The following KANK1 variants were observed in gnomAD, a reference collection of about 807,000 sequenced individuals.
KANK1 encodes the protein KN motif and ankyrin repeat domains 1.
A neutral mutation model predicts 106.2 loss-of-function variants in KANK1; 109 were observed. That is an observed-to-expected ratio of 1.03 (90% CI 0.88 to 1.20). The LOEUF (loss-of-function observed/expected upper bound fraction) is 1.20. KANK1 is among the 50% of genes most tolerant of loss of function. KANK1 has a pLI of 0.00. For missense variants in KANK1, 2,399 were observed against 1,710.7 expected (o/e 1.40, Z -7.10); for synonymous variants, 873 against 652.2 (o/e 1.34, Z -5.16).
chr9:631,775 C>G (rs1446876808), intron 1 of KANK1, among the ~76,000 whole-genome samples: 1 of 152,180 alleles, frequency 6.6e-6, no homozygotes, highest in East Asian at 1.9e-4. Flanking sequence ...CTCTTCTTCC[C>G]TTTGCATCTG....
At chr9:615,683 G>C (rs1238914592) in intron 1 of KANK1, among the ~76,000 whole-genome samples, 3 of 152,118 alleles carry the variant, frequency 2.0e-5, no homozygotes, top group Non-Finnish European at 4.4e-5. Flanking sequence ...CATTTGTCCA[G>C]TTAACACCAG....
At chr9:504,675 C>A (rs1270496032), upstream of KANK1, 1 of 151,044 alleles carries the variant, frequency 6.6e-6, no homozygotes, top group Non-Finnish European at 1.5e-5. Context: ...GACTCCGCCC[C>A]CTGCGCCCCG....
At chr9:628,763 G>C (rs1834966061) in intron 1 of KANK1, among the ~76,000 whole-genome samples, 1 of 152,064 alleles carries the variant, frequency 6.6e-6, no homozygotes, top group Admixed American at 6.6e-5. Flanking sequence ...CTGGATTCAA[G>C]TGGTCCCTGA....
Position 550,329 on chromosome 9 carries a change from T to C in KANK1, c.-84+45575T>C, listed in dbSNP as rs764224261. On this transcript the variant is annotated intron_variant, in intron 1 of 11. Coordinates refer to ENST00000382297, the MANE Select transcript of KANK1 (RefSeq NM_015158.5). ...GTGTTTATTACCAAAAAAACCTCCT[T>C]CTTATTTAATAATACAGTGCCTAGC... 3.7e-4 allele frequency among the ~76,000 whole-genome samples: 57 copies of C among 152,344 alleles called. 1 individual carries two copies. The highest frequency in any genetic ancestry group is 2.4e-4 in the Non-Finnish European group (16 of 68,024).
At chr9:635,594 G>A (rs1202031783) in intron 1 of KANK1, among the ~76,000 whole-genome samples, 2 of 151,368 alleles carry the variant, frequency 1.3e-5, no homozygotes, top group African/African-American at 4.9e-5. Context: ...TTTATTATTA[G>A]AATAGTAAGA....
chr9:482,414 A>G (rs776611651), intron 3 of KANK1, among the ~76,000 whole-genome samples: 2 of 152,282 alleles, frequency 1.3e-5, no homozygotes, highest in Non-Finnish European at 2.9e-5. Context: ...GCAGCAATTG[A>G]TGGCTTACAA....
chr9:541,780 A>G (rs1563739943), intron 1 of KANK1, among the ~76,000 whole-genome samples: 1 of 152,212 alleles, frequency 6.6e-6, no homozygotes, highest in Non-Finnish European at 1.5e-5. Flanking sequence ...TAGCAAGAAA[A>G]TAAATAACCG....
intron 1 of KANK1, among the ~76,000 whole-genome samples, chr9:641,917 A>T (rs913322600): frequency 9.9e-5 from 15 of 152,166 alleles, no homozygotes; most frequent in African/African-American, 3.6e-4. Flanking sequence ...TGGCATAAAC[A>T]ACATTAGAAC....
At chr9:637,800 A>G (rs891880481) in intron 1 of KANK1, among the ~76,000 whole-genome samples, 1 of 152,168 alleles carries the variant, frequency 6.6e-6, no homozygotes, top group South Asian at 2.1e-4. Context: ...AATGTCATAT[A>G]TTTTAAAAAC....
intron 3 of KANK1, among the ~76,000 whole-genome samples, chr9:489,482 TA>T (rs2058344613): frequency 6.6e-6 from 1 of 152,364 alleles, no homozygotes. Context: ...GCAACTTAAA[TA>T]AACATAACCA....
In KANK1 at chr9:664,025, G is replaced by C. The variant is rs186052441; in HGVS notation, c.-83-12865G>C. ...AATTGTAGTTCCCATAATCTCGTGT[G>C]TTGTGGGAGGGACTCGATGGGAGGT... is the stretch of plus-strand genomic sequence containing the variant. On this transcript the variant is annotated intron_variant, in intron 1 of 11. Coordinates refer to ENST00000382297, the MANE Select transcript of KANK1 (RefSeq NM_015158.5). Among the ~76,000 whole-genome samples, 408 of 152,224 alleles carry C rather than the reference G, an allele frequency of 2.7e-3. 3 individuals are homozygous for C. Among genetic ancestry groups the C allele is most frequent in the African/African-American group, 9.5e-3 (394 of 41,524 alleles).
At position 711,634 on chromosome 9, in the gene KANK1, A is replaced by G; in HGVS notation, c.868A>G (p.Lys290Glu). 6.2e-7 allele frequency: 1 copy of G among 1,614,126 alleles called. No homozygotes were observed. Among genetic ancestry groups the G allele is most frequent in the Non-Finnish European group, 8.5e-7 (1 of 1,180,002 alleles). ...QVRTIPVLQV[K>E]ISVLQEEKRQ... ...GCGAACCATCCCTGTGCTCCAGGTAAAGATCTCTGTCTTGCAAGAAGAGAA... is the reference window on the plus strand; with the variant it reads ...GCGAACCATCCCTGTGCTCCAGGTAGAGATCTCTGTCTTGCAAGAAGAGAA... Residue 290 changes from lysine to glutamate, a missense_variant, in exon 3 of 12, where the codon AAG becomes GAG. Coordinates refer to ENST00000382297, the MANE Select transcript of KANK1 (RefSeq NM_015158.5).
intron 1 of KANK1, among the ~76,000 whole-genome samples, chr9:624,326 C>A (rs963501887): frequency 1.3e-5 from 2 of 152,070 alleles, no homozygotes; most frequent in Non-Finnish European, 2.9e-5. Context: ...TTTTCCCTCT[C>A]CATGCAGAGG....
At chr9:734,643 G>GCTGT (rs1833262917) in intron 6 of KANK1, 105 bp from the exon 7 acceptor site, 1 of 728,696 alleles carries the variant, frequency 1.4e-6, no homozygotes, top group Non-Finnish European at 2.3e-6. Context: ...TCCAGCCTGG[G>GCTGT]CGACAGAGCA....
intron 1 of KANK1, among the ~76,000 whole-genome samples, chr9:511,857 A>G (rs2059040661): frequency 6.6e-6 from 1 of 152,104 alleles, no homozygotes; most frequent in Non-Finnish European, 1.5e-5. Flanking sequence ...CCCAAAATTT[A>G]GTGGCTCAAA....
chr9:666,862 TTCTA>T (rs1444777929), intron 1 of KANK1, among the ~76,000 whole-genome samples: 3 of 151,812 alleles, frequency 2.0e-5, no homozygotes, highest in Non-Finnish European at 2.9e-5. Flanking sequence ...TTGAGGATTT[TTCTA>T]TCTGTGTTCA....
chr9:701,999 TAA>T (rs1822798127), intron 2 of KANK1, among the ~76,000 whole-genome samples: 1 of 152,204 alleles, frequency 6.6e-6, no homozygotes, highest in South Asian at 2.1e-4. Context: ...CACAGAGCAC[TAA>T]GTTTTATAGG....
intron 2 of KANK1, chr9:684,291 T>C: frequency 2.0e-6 from 2 of 985,398 alleles, no homozygotes; most frequent in African/African-American, 1.7e-5. Flanking sequence ...CCAGCCTATT[T>C]GAGTGTAGGA....
intron 3 of KANK1, chr9:484,401 C>A (rs1277089455): frequency 6.6e-6 from 1 of 152,214 alleles, no homozygotes; most frequent in Non-Finnish European, 1.5e-5. Flanking sequence ...GTAGAGTGCT[C>A]AGCACAGTGC....
Sources: gnomAD v4.1 joint callset for allele counts (sites outside exome capture counted in the v4.1 genomes callset) on GRCh38, gnomAD v4.1.1 for gene constraint, MANE v1.5 for transcripts, NCBI Gene and HGNC (gene_info 2026-07-23, HGNC 2026-07-21) for gene names.